NTM: variants seen among roughly 807,000 people sequenced by gnomAD.
The protein encoded by NTM is IgLON family member 2.
A neutral mutation model predicts 42.1 loss-of-function variants in NTM; 13 were observed. The observed-to-expected ratio is 0.31, with a 90% CI of 0.20 to 0.49. The LOEUF is 0.49. Ranked by LOEUF, NTM falls within the 20% of genes least tolerant of loss-of-function variation. The probability of loss-of-function intolerance (pLI) is 0.99; values close to 1 mark genes in which losing one functional copy is unlikely to be tolerated. For synonymous variants in NTM, 187 were observed against 179.2 expected, an observed-to-expected ratio of 1.04 and a Z score of -0.35; for missense variants, 373 against 452.8, an observed-to-expected ratio of 0.82 and a Z score of 1.60.
At chr11:132,301,339 T>A (rs1344774451) in intron 4 of NTM, among the ~76,000 whole-genome samples, 1 of 152,136 alleles carries the variant, frequency 6.6e-6, no homozygotes, top group East Asian at 1.9e-4. Flanking sequence ...GTCCCTCCCA[T>A]GACATGTGGG....
At chr11:131,817,410 C>T (rs938221306) in intron 1 of NTM, among the ~76,000 whole-genome samples, 14 of 152,102 alleles carry the variant, frequency 9.2e-5, no homozygotes, top group Admixed American at 2.6e-4. Context: ...ATGGATAGTA[C>T]TGACTTTTTT....
intron 2 of NTM, among the ~76,000 whole-genome samples, chr11:131,976,276 T>C (rs1413664982): frequency 6.6e-6 from 1 of 152,132 alleles, no homozygotes; most frequent in African/African-American, 2.4e-5. Context: ...GGGAAGCTTA[T>C]ACCCGAGCAT....
chr11:131,938,227 G>A (rs1272248679), intron 2 of NTM, among the ~76,000 whole-genome samples: 1 of 152,166 alleles, frequency 6.6e-6, no homozygotes, highest in East Asian at 1.9e-4. Context: ...AAGGACAGGT[G>A]ATGTGATGGA....
intron 2 of NTM, among the ~76,000 whole-genome samples, chr11:132,071,535 A>T (rs1028016187): frequency 5.9e-5 from 9 of 152,348 alleles, no homozygotes; most frequent in Admixed American, 4.6e-4. Flanking sequence ...CATTTGATTC[A>T]AATGTGGGAA....
At chr11:131,807,760 T>G (rs907226436) in intron 1 of NTM, among the ~76,000 whole-genome samples, 1 of 147,198 alleles carries the variant, frequency 6.8e-6, no homozygotes, top group Non-Finnish European at 1.5e-5. Flanking sequence ...GCATTAAATA[T>G]TTTTTATTGC....
At chr11:132,013,714 A>G (rs1404218744) in intron 2 of NTM, among the ~76,000 whole-genome samples, 1 of 152,154 alleles carries the variant, frequency 6.6e-6, no homozygotes, top group African/African-American at 2.4e-5. Flanking sequence ...AAATTTATCC[A>G]CTTTAAGTGT....
chr11:131,946,184 A>G (rs1010091644), intron 2 of NTM, among the ~76,000 whole-genome samples: 1 of 151,910 alleles, frequency 6.6e-6, no homozygotes, highest in Non-Finnish European at 1.5e-5. Flanking sequence ...GCAGTGGGAG[A>G]CTCGCGGGAG....
chr11:132,217,288 C>T (rs1467314550), intron 4 of NTM, among the ~76,000 whole-genome samples: 1 of 151,802 alleles, frequency 6.6e-6, no homozygotes, highest in Non-Finnish European at 1.5e-5. Flanking sequence ...AGAAATCAAT[C>T]GGTAGAAAAA....
At chr11:132,023,643 G>A (rs1408930985) in intron 2 of NTM, among the ~76,000 whole-genome samples, 3 of 152,134 alleles carry the variant, frequency 2.0e-5, no homozygotes, top group Non-Finnish European at 4.4e-5. Flanking sequence ...GGTTCTTCTC[G>A]AAGTGAACAG....
chr11:132,213,276 C>T (rs1206482550), intron 4 of NTM, among the ~76,000 whole-genome samples: 2 of 152,126 alleles, frequency 1.3e-5, no homozygotes, highest in African/African-American at 4.8e-5. Flanking sequence ...CAGAATTGGG[C>T]AGGTTAGAAG....
intron 1 of NTM, among the ~76,000 whole-genome samples, chr11:131,389,023 AAAAAAG>A (rs1943671884): frequency 6.8e-6 from 1 of 147,226 alleles, no homozygotes; most frequent in Admixed American, 6.9e-5. Context: ...AAAAAAAAAA[AAAAAAG>A]AAAAGAAAAG....
chr11:131,919,597 T>A (rs2056920113), intron 2 of NTM, among the ~76,000 whole-genome samples: 1 of 152,130 alleles, frequency 6.6e-6, no homozygotes, highest in African/African-American at 2.4e-5. Flanking sequence ...GGCAGTTTGT[T>A]TGATTGCAGG....
chr11:131,822,268 C>T (rs981784133), intron 1 of NTM, among the ~76,000 whole-genome samples: 3 of 152,176 alleles, frequency 2.0e-5, no homozygotes, highest in African/African-American at 7.2e-5. Flanking sequence ...CTTTCTTCTT[C>T]ATTCTCATGG....
chr11:131,500,409 T>C (rs2136358670), intron 1 of NTM, among the ~76,000 whole-genome samples: 1 of 151,912 alleles, frequency 6.6e-6, no homozygotes, highest in South Asian at 2.1e-4. Flanking sequence ...TTTATCTGCT[T>C]ATTATCTCCT....
intron 1 of NTM, among the ~76,000 whole-genome samples, chr11:131,439,843 G>A (rs1461044440): frequency 1.3e-5 from 2 of 151,776 alleles, no homozygotes; most frequent in Non-Finnish European, 2.9e-5. Context: ...CCAGTGAGAT[G>A]AACCAAGTAC....
rs868448807 is a variant in NTM, at chr11:131,598,786, T to C, written c.82+227898T>C. Among the ~76,000 whole-genome samples, 195 of 73,896 alleles carry C rather than the reference T, an allele frequency of 2.6e-3. 24 individuals are homozygous for C. The highest frequency in any genetic ancestry group is 6.9e-3 in the Middle Eastern group (1 of 144). 48.5% of individuals were successfully genotyped at this position (73,896 alleles called of 152,430 possible). ...TCTTTTTTTCTTTCTTTCTTTCTTC[T>C]TTCTTTCTTTCTTTTTCTTTCTTTC... On this transcript the variant is annotated intron_variant, in intron 1 of 8. Transcript: ENST00000683400.
At chr11:131,717,663 T>C (rs1329209958) in intron 1 of NTM, among the ~76,000 whole-genome samples, 2 of 152,214 alleles carry the variant, frequency 1.3e-5, no homozygotes, top group Non-Finnish European at 2.9e-5. Context: ...AATCTGCAAA[T>C]GACAGTTTTA....
intron 1 of NTM, among the ~76,000 whole-genome samples, chr11:131,683,089 T>C (rs2073254431): frequency 6.6e-6 from 1 of 152,174 alleles, no homozygotes; most frequent in African/African-American, 2.4e-5. Flanking sequence ...TGCACAGCAA[T>C]TATTATTCAT....
chr11:131,469,118 A>T (rs548348493), intron 1 of NTM, among the ~76,000 whole-genome samples: 1 of 152,078 alleles, frequency 6.6e-6, no homozygotes, highest in Non-Finnish European at 1.5e-5. Flanking sequence ...GCTCCGTTTC[A>T]TCCTTTCCCT....
Sources: gnomAD v4.1 joint callset for allele counts (sites outside exome capture counted in the v4.1 genomes callset) on GRCh38, gnomAD v4.1.1 for gene constraint, MANE v1.5 for transcripts, NCBI Gene and HGNC (gene_info 2026-07-23, HGNC 2026-07-21) for gene names.